EML4: variants seen among roughly 807,000 people sequenced by gnomAD.
EML4 encodes EMAP like 4, also known as echinoderm microtubule-associated protein-like 4.
In EML4, 72 loss-of-function variants were observed where a neutral mutation model predicts 129.0. That is an observed-to-expected ratio of 0.56 (90% CI 0.46 to 0.68). The LOEUF (loss-of-function observed/expected upper bound fraction) is 0.68, where lower values mean the gene tolerates loss of function less well. Among genes scored for constraint, EML4 ranks in the 30% least tolerant of loss-of-function variants. EML4 has a pLI of 0.00. For missense variants in EML4, 1,363 were observed against 1,190.6 expected (o/e 1.14, Z -2.13); for synonymous variants, 532 against 405.0 (o/e 1.31, Z -3.77).
At chr2:42,316,792 G>A (rs947827957) in intron 18 of EML4, among the ~76,000 whole-genome samples, 2 of 152,198 alleles carry the variant, frequency 1.3e-5, no homozygotes, top group African/African-American at 4.8e-5. Context: ...AGCACAGAGA[G>A]TAGTATTCTT....
At chr2:42,175,565 C>T (rs1342043252) in intron 1 of EML4, among the ~76,000 whole-genome samples, 1 of 151,882 alleles carries the variant, frequency 6.6e-6, no homozygotes, top group African/African-American at 2.4e-5. Context: ...GTGGCACAGT[C>T]TTGGCTCACT....
chr2:42,201,084 C>G (rs987268493), intron 1 of EML4, among the ~76,000 whole-genome samples: 1 of 152,164 alleles, frequency 6.6e-6, no homozygotes, highest in African/African-American at 2.4e-5. Flanking sequence ...TAATTTCCAT[C>G]AATCAAGTCG....
At chr2:42,184,442 G>C (rs1671127807) in intron 1 of EML4, among the ~76,000 whole-genome samples, 1 of 131,658 alleles carries the variant, frequency 7.6e-6, no homozygotes, top group Non-Finnish European at 1.5e-5. Context: ...GTCACTCCCT[G>C]GTTTAAGAAC....
chr2:42,235,365 C>T (rs1000617927), intron 1 of EML4, among the ~76,000 whole-genome samples: 4 of 119,114 alleles, frequency 3.4e-5, no homozygotes, highest in Non-Finnish European at 7.1e-5. Flanking sequence ...GAGGCTAAGG[C>T]GCGAGAATTA....
At chr2:42,204,002 C>G (rs1031943962) in intron 1 of EML4, among the ~76,000 whole-genome samples, 1 of 152,102 alleles carries the variant, frequency 6.6e-6, no homozygotes, top group African/African-American at 2.4e-5. Context: ...TGCACTGCAC[C>G]TTGAACTCCT....
chr2:42,172,164 A>T (rs150927738), intron 1 of EML4, among the ~76,000 whole-genome samples: 24 of 152,210 alleles, frequency 1.6e-4, no homozygotes, highest in African/African-American at 5.8e-4. Flanking sequence ...CCTTTTACAT[A>T]TTAGATAGAT....
intron 11 of EML4, among the ~76,000 whole-genome samples, chr2:42,291,898 C>T (rs1199355919): frequency 6.6e-6 from 1 of 152,192 alleles, no homozygotes; most frequent in East Asian, 1.9e-4. Context: ...TACACAACCT[C>T]ATTAATTATC....
chr2:42,303,647 C>T lies in EML4; in HGVS notation c.1899+201C>T, dbSNP rs142589279. On this transcript the variant is annotated intron_variant, in intron 16 of 22. Transcript: ENST00000318522. ...CCGATTTTAAAGAAGTAAGTTAGGC[C>T]GGGCAAGGTGGCTCACACCTGTAAT... Among the ~76,000 whole-genome samples, 25 of 152,186 alleles carry T rather than the reference C, an allele frequency of 1.6e-4. No homozygotes were observed. In the East Asian group the frequency reaches 2.7e-3, roughly 16 times the overall value.
At chr2:42,276,364 TGG>T (rs1402262107) in intron 6 of EML4, among the ~76,000 whole-genome samples, 3 of 152,168 alleles carry the variant, frequency 2.0e-5, no homozygotes, top group Non-Finnish European at 4.4e-5. Flanking sequence ...CTCGCTGAGA[TGG>T]GGTATGGGGT....
intron 6 of EML4, among the ~76,000 whole-genome samples, chr2:42,275,030 C>G (rs903779220): frequency 6.6e-6 from 1 of 152,122 alleles, no homozygotes; most frequent in South Asian, 2.1e-4. Context: ...GTATTGTCAC[C>G]CGGTAACTGG....
chr2:42,316,046 A>G lies in EML4; in HGVS notation c.2052A>G (p.Ser684=). The G allele has an allele frequency of 6.2e-7, 1 of 1,611,006 alleles. No individual in the cohort carries two copies. Among genetic ancestry groups the G allele is most frequent in the Non-Finnish European group, 8.5e-7 (1 of 1,177,592 alleles). ...AACAGCTCTCTGTGATGCGCTACTC[A>G]ATAGGTAGGCAAATTTACTCCCACC... The part of the protein sequence containing the change: ...GNEQLSVMRY[S]IDGTFLAVGS... Residue 684 remains serine, a synonymous_variant, in exon 18 of 23, where the codon TCA becomes TCG. Transcript: ENST00000318522.
In EML4 at chr2:42,313,392, T is replaced by C. The variant is rs545029825; in HGVS notation, c.1968-2570T>C. 9.2e-5 allele frequency among the ~76,000 whole-genome samples: 14 copies of C among 152,316 alleles called. No individual in the cohort carries two copies. In the East Asian group the frequency reaches 2.3e-3, roughly 25 times the overall value. On this transcript the variant is annotated intron_variant, in intron 17 of 22. Transcript: ENST00000318522. ...TCACCATGGGCCATGGTCACTCATA[T>C]TTGGCTCAGAATAAATCTCTTCAAA... is the stretch of plus-strand genomic sequence containing the variant.
chr2:42,282,733 T>A lies in EML4; in HGVS notation c.792-90T>A, dbSNP rs1172052016. On this transcript the variant is annotated intron_variant, in intron 7 of 22. Coordinates refer to ENST00000318522, the MANE Select transcript of EML4 (RefSeq NM_019063.5). The stretch of plus-strand genomic sequence containing the variant: ...AGTTCTAGTTCAGTCTTCTTCATTG[T>A]ACCTTCCTAATTCCTTAAGTATCCA... 3 of 1,149,930 alleles carry A rather than the reference T, an allele frequency of 2.6e-6. No individual in the cohort carries two copies. The African/African-American group carries it at 4.7e-5, about 18-fold the overall frequency. The allele number at this position is 1,149,930 out of a possible 1,614,324, so 71.2% of individuals were successfully genotyped here.
At chr2:42,276,781 A>G (rs1284740202) in intron 6 of EML4, among the ~76,000 whole-genome samples, 1 of 152,228 alleles carries the variant, frequency 6.6e-6, no homozygotes, top group Non-Finnish European at 1.5e-5. Flanking sequence ...TCAAGTCGTA[A>G]TCTTTTCCAA....
chr2:42,219,842 C>T (rs1162445585), intron 1 of EML4, among the ~76,000 whole-genome samples: 1 of 151,320 alleles, frequency 6.6e-6, no homozygotes, highest in African/African-American at 2.4e-5. Flanking sequence ...AGGAGAATCA[C>T]TTGAACCTGG....
intron 11 of EML4, chr2:42,289,289 G>C (rs1292709029): frequency 6.6e-6 from 1 of 152,184 alleles, no homozygotes; most frequent in Non-Finnish European, 1.5e-5. Flanking sequence ...AGGTTTACCA[G>C]ATGAAGTCTT....
At chr2:42,176,970 T>A (rs1033346083) in intron 1 of EML4, among the ~76,000 whole-genome samples, 1 of 152,100 alleles carries the variant, frequency 6.6e-6, no homozygotes, top group African/African-American at 2.4e-5. Context: ...ATTTTTGTAT[T>A]TTTAGTAGAG....
chr2:42,251,906 C>T (rs913309206), intron 2 of EML4, among the ~76,000 whole-genome samples: 3 of 152,176 alleles, frequency 2.0e-5, no homozygotes, highest in Non-Finnish European at 4.4e-5. Flanking sequence ...CTAGGTGATA[C>T]ACTATTTGAA....
At chr2:42,323,616 A>G (rs1299158627) in intron 19 of EML4, among the ~76,000 whole-genome samples, 1 of 152,096 alleles carries the variant, frequency 6.6e-6, no homozygotes, top group Non-Finnish European at 1.5e-5. Context: ...AACTATCCCT[A>G]AGGTACACTG....
Sources: allele counts gnomAD v4.1 joint callset (sites outside exome capture counted in the v4.1 genomes callset), GRCh38; gene constraint gnomAD v4.1.1; transcripts MANE v1.5; gene names NCBI Gene and HGNC (gene_info 2026-07-23, HGNC 2026-07-21).